The following SORCS3 variants were observed in gnomAD, a reference collection of about 807,000 sequenced individuals.
SORCS3 encodes VPS10 domain-containing receptor SorCS3.
A neutral mutation model predicts 146.3 loss-of-function variants in SORCS3; 57 were observed. The observed-to-expected ratio is 0.39, with a 90% confidence interval of 0.31 to 0.49. The LOEUF is 0.49. Among genes scored for constraint, SORCS3 ranks in the 20% least tolerant of loss-of-function variants. The pLI, the probability that SORCS3 is intolerant of heterozygous loss-of-function variation, is 0.92. For synonymous variants in SORCS3, 653 were observed against 618.5 expected (o/e 1.06, Z -0.83); for missense variants, 1,341 against 1,575.5 (o/e 0.85, Z 2.52).
At chr10:105,019,904 T>G (rs2055188899) in intron 4 of SORCS3, among the ~76,000 whole-genome samples, 1 of 152,190 alleles carries the variant, frequency 6.6e-6, no homozygotes, top group Admixed American at 6.5e-5. Context: ...AGGGGCTCAT[T>G]TTTCTGGACT....
intron 3 of SORCS3, among the ~76,000 whole-genome samples, chr10:104,977,072 A>G (rs572304480): frequency 2.0e-5 from 3 of 152,106 alleles, no homozygotes; most frequent in Non-Finnish European, 4.4e-5. Context: ...TAAAAAAAAA[A>G]AAGTTCCCGG....
chr10:104,931,398 C>A (rs549646761), intron 3 of SORCS3, among the ~76,000 whole-genome samples: 2 of 152,166 alleles, frequency 1.3e-5, no homozygotes, highest in Non-Finnish European at 2.9e-5. Flanking sequence ...TTCCAGGGCA[C>A]TGGCAGCAGA....
intron 1 of SORCS3, among the ~76,000 whole-genome samples, chr10:104,692,654 T>C (rs527789388): frequency 2.6e-5 from 4 of 152,346 alleles, no homozygotes; most frequent in Non-Finnish European, 5.9e-5. Context: ...GAGACATTAA[T>C]AGACTACACA....
At chr10:104,727,999 C>A (rs1309915687) in intron 1 of SORCS3, among the ~76,000 whole-genome samples, 1 of 151,580 alleles carries the variant, frequency 6.6e-6, no homozygotes, top group Non-Finnish European at 1.5e-5. Flanking sequence ...GGTTGGGGAC[C>A]ACTGCTTTAT....
chr10:104,692,313 T>G (rs1355479982), intron 1 of SORCS3, among the ~76,000 whole-genome samples: 1 of 152,142 alleles, frequency 6.6e-6, no homozygotes, highest in African/African-American at 2.4e-5. Context: ...AGCCTTCTCG[T>G]CATGTGTCTG....
At chr10:104,642,336 G>A (rs1053926049) in intron 1 of SORCS3, among the ~76,000 whole-genome samples, 9 of 152,038 alleles carry the variant, frequency 5.9e-5, no homozygotes, top group Non-Finnish European at 7.4e-5. Context: ...GGCGGGAGCC[G>A]CTGAACAGAC....
intron 11 of SORCS3, among the ~76,000 whole-genome samples, chr10:105,159,739 G>A (rs776765953): frequency 4.6e-5 from 7 of 152,118 alleles, no homozygotes; most frequent in Admixed American, 2.0e-4. Flanking sequence ...AGTGACTTTC[G>A]GAGCTGGTAC....
At chr10:104,775,606 A>G (rs1214157281) in intron 1 of SORCS3, among the ~76,000 whole-genome samples, 1 of 152,218 alleles carries the variant, frequency 6.6e-6, no homozygotes, top group African/African-American at 2.4e-5. Context: ...AGAAAAATAC[A>G]GTGCAGCTGG....
intron 1 of SORCS3, among the ~76,000 whole-genome samples, chr10:104,688,983 G>A (rs1464169909): frequency 6.6e-6 from 1 of 152,198 alleles, no homozygotes; most frequent in Non-Finnish European, 1.5e-5. Context: ...AGTGCCTGAG[G>A]TAGAGTATAG....
At chr10:104,739,412 T>G (rs1017593172) in intron 1 of SORCS3, among the ~76,000 whole-genome samples, 3 of 152,236 alleles carry the variant, frequency 2.0e-5, no homozygotes, top group African/African-American at 7.2e-5. Context: ...TGTTCATGAC[T>G]GCTCCAGCTC....
At chr10:104,858,268 T>C (rs1166184138) in intron 2 of SORCS3, among the ~76,000 whole-genome samples, 2 of 152,230 alleles carry the variant, frequency 1.3e-5, no homozygotes, top group East Asian at 1.9e-4. Flanking sequence ...TTAATACATA[T>C]ACGTATTTTT....
At chr10:105,086,896 T>C (rs1257781383) in intron 5 of SORCS3, among the ~76,000 whole-genome samples, 1 of 152,208 alleles carries the variant, frequency 6.6e-6, no homozygotes, top group Non-Finnish European at 1.5e-5. Flanking sequence ...TTTTGCTGCG[T>C]AGAAGCTCTT....
rs569524826 is a variant in SORCS3 at position 104,671,937 on chromosome 10, T to A, written c.627+29983T>A. Among the ~76,000 whole-genome samples the A allele has an allele frequency of 4.6e-5, 7 of 152,322 alleles. No individual in the cohort carries two copies. In the East Asian group the frequency reaches 1.4e-3, roughly 29 times the overall value. On this transcript the variant is annotated intron_variant, in intron 1 of 26. Transcript: ENST00000369701. The stretch of plus-strand genomic sequence containing the variant: ...GGGATACTGGTCTATACTTTTCTTT[T>A]CTTATAGTGTCTTTGACTGGCTTTG...
chr10:105,151,277 G>A (rs759817821), intron 9 of SORCS3, among the ~76,000 whole-genome samples: 3 of 152,164 alleles, frequency 2.0e-5, no homozygotes, highest in Non-Finnish European at 2.9e-5. Context: ...GAAATGTTGA[G>A]TGGCCTTGTG....
chr10:105,075,646 G>T (rs73348238), intron 5 of SORCS3, among the ~76,000 whole-genome samples: 9,386 of 152,154 alleles, frequency 0.062, 336 homozygotes, highest in Middle Eastern at 0.099. Context: ...TATAAAGAAG[G>T]GGGGCGAGAA....
At chr10:105,174,004 T>C (rs1198740287) in intron 13 of SORCS3, among the ~76,000 whole-genome samples, 3 of 152,206 alleles carry the variant, frequency 2.0e-5, no homozygotes, top group South Asian at 4.1e-4. Context: ...TTCTAACTCA[T>C]AGTTTTGCAT....
intron 1 of SORCS3, among the ~76,000 whole-genome samples, chr10:104,756,427 G>C (rs1462755302): frequency 6.6e-6 from 1 of 152,192 alleles, no homozygotes; most frequent in African/African-American, 2.4e-5. Context: ...AAGTTGGACT[G>C]GATGATCTCT....
chr10:104,954,434 T>C (rs1040641509), intron 3 of SORCS3, among the ~76,000 whole-genome samples: 4 of 152,210 alleles, frequency 2.6e-5, no homozygotes, highest in South Asian at 2.1e-4. Context: ...TAACACATGC[T>C]TCATAAAGCT....
At chr10:104,875,173 A>G (rs1345910606) in intron 2 of SORCS3, among the ~76,000 whole-genome samples, 2 of 152,186 alleles carry the variant, frequency 1.3e-5, no homozygotes, top group Non-Finnish European at 2.9e-5. Flanking sequence ...GCATGGAATC[A>G]TGTTTGTCAG....
Sources: gnomAD v4.1 joint callset for allele counts (sites outside exome capture counted in the v4.1 genomes callset) on GRCh38, gnomAD v4.1.1 for gene constraint, MANE v1.5 for transcripts, NCBI Gene and HGNC (gene_info 2026-07-23, HGNC 2026-07-21) for gene names.